The following CORO2B variants were observed in gnomAD, a reference collection of about 807,000 sequenced individuals.
CORO2B encodes the protein coronin-2B.
A neutral mutation model predicts 58.8 loss-of-function variants in CORO2B; 26 were observed. The observed-to-expected ratio is 0.44, with a 90% CI of 0.32 to 0.61. The LOEUF (loss-of-function observed/expected upper bound fraction) is 0.61, where lower values mean the gene tolerates loss of function less well. CORO2B is among the 20% of genes least tolerant of loss of function. CORO2B has a pLI of 0.04. For missense variants in CORO2B, 460 were observed against 645.1 expected (o/e 0.71, Z 3.11); for synonymous variants, 242 against 253.8 (o/e 0.95, Z 0.44).
chr15:68,664,508 A>G (rs573620032), intron 2 of CORO2B, among the ~76,000 whole-genome samples: 8 of 152,216 alleles, frequency 5.3e-5, no homozygotes, highest in African/African-American at 1.7e-4. Context: ...TTAGCCGGCC[A>G]TGGTGGCAGG....
chr15:68,550,153 G>T, the CORO2B span, among the ~76,000 whole-genome samples: 3 of 152,002 alleles, frequency 2.0e-5, no homozygotes, highest in African/African-American at 7.3e-5. Context: ...TGTGCTGGGG[G>T]TGCTCTAAGG....
At chr15:68,668,431 G>A (rs1050437906) in intron 2 of CORO2B, among the ~76,000 whole-genome samples, 6 of 152,222 alleles carry the variant, frequency 3.9e-5, no homozygotes, top group African/African-American at 7.2e-5. Flanking sequence ...ACAGTGATGG[G>A]TGCTGTGAAG....
chr15:68,551,065 ACT>A, the CORO2B span, among the ~76,000 whole-genome samples: 3 of 151,114 alleles, frequency 2.0e-5, no homozygotes, highest in Non-Finnish European at 3.0e-5. Context: ...GAGGTTCCTG[ACT>A]CTCTGGGGGG....
At chr15:68,641,691 C>G in intron 1 of CORO2B, 3 of 585,382 alleles carry the variant, frequency 5.1e-6, no homozygotes, top group South Asian at 7.5e-5. Flanking sequence ...CCTCCCAAGC[C>G]CTTGGAGGTG....
At chr15:68,717,450 G>C (rs981258586) in intron 8 of CORO2B, among the ~76,000 whole-genome samples, 1 of 152,178 alleles carries the variant, frequency 6.6e-6, no homozygotes, top group South Asian at 2.1e-4. Flanking sequence ...GAAGGAAGAC[G>C]GGGAGAACAG....
chr15:68,627,838 G>A (rs894004804), intron 1 of CORO2B, among the ~76,000 whole-genome samples: 2 of 152,026 alleles, frequency 1.3e-5, no homozygotes, highest in Non-Finnish European at 2.9e-5. Context: ...CGCACACCCT[G>A]GTGTATCCTC....
intron 2 of CORO2B, among the ~76,000 whole-genome samples, chr15:68,650,289 G>A (rs892722665): frequency 6.9e-6 from 1 of 144,696 alleles, no homozygotes; most frequent in Admixed American, 7.0e-5. Flanking sequence ...AATTGGAGGC[G>A]GAGGTTGCGG....
chr15:68,683,929 G>A (rs745395571), intron 2 of CORO2B, among the ~76,000 whole-genome samples: 8 of 152,160 alleles, frequency 5.3e-5, no homozygotes, highest in Admixed American at 2.0e-4. Context: ...GACTGTGCTG[G>A]GATGACAACA....
chr15:68,720,865 G>A (rs80308267), intron 11 of CORO2B, among the ~76,000 whole-genome samples: 1 of 152,268 alleles, frequency 6.6e-6, no homozygotes, highest in African/African-American at 2.4e-5. Flanking sequence ...AAACTAGACA[G>A]TCTATACCAC....
At chr15:68,705,109 G>C (rs1892751066) in intron 3 of CORO2B, among the ~76,000 whole-genome samples, 1 of 152,174 alleles carries the variant, frequency 6.6e-6, no homozygotes, top group Non-Finnish European at 1.5e-5. Context: ...GGGTCAAGCA[G>C]AGCCCGTCTC....
chr15:68,663,374 C>T (rs757290512), intron 2 of CORO2B, among the ~76,000 whole-genome samples: 22 of 152,140 alleles, frequency 1.4e-4, no homozygotes, highest in African/African-American at 4.1e-4. Context: ...ACTGTGGACA[C>T]GCTTTATTTC....
the CORO2B span, among the ~76,000 whole-genome samples, chr15:68,549,702 GC>G: frequency 6.6e-6 from 1 of 152,306 alleles, no homozygotes; most frequent in African/African-American, 2.4e-5. Context: ...ACTTTGGGAG[GC>G]CGAGGTGGGC....
At chr15:68,705,235 C>G (rs749733068) in intron 3 of CORO2B, among the ~76,000 whole-genome samples, 1 of 152,150 alleles carries the variant, frequency 6.6e-6, no homozygotes, top group South Asian at 2.1e-4. Context: ...GTCAGGAGTT[C>G]GAGACCAGCC....
chr15:68,627,248 G>A (rs138062957), intron 1 of CORO2B, among the ~76,000 whole-genome samples: 247 of 152,188 alleles, frequency 1.6e-3, no homozygotes, highest in Middle Eastern at 0.01. Context: ...TGCTGGTCTC[G>A]TATGAGGGAT....
At chr15:68,583,292 A>T (rs1398227136) in intron 1 of CORO2B, among the ~76,000 whole-genome samples, 2 of 152,208 alleles carry the variant, frequency 1.3e-5, no homozygotes, top group African/African-American at 4.8e-5. Flanking sequence ...GAGCGGGCAA[A>T]TCACCCAACC....
the CORO2B span, among the ~76,000 whole-genome samples, chr15:68,559,997 C>T: frequency 9.8e-5 from 15 of 152,288 alleles, no homozygotes; most frequent in South Asian, 2.7e-3. The surrounding 1 kb of genome is among the most constrained non-coding windows in gnomAD (Gnocchi z 4.3). Flanking sequence ...GAGCCTCAGA[C>T]GGCAATGCAG....
At chr15:68,630,997 C>T (rs963412589) in intron 1 of CORO2B, among the ~76,000 whole-genome samples, 1 of 152,212 alleles carries the variant, frequency 6.6e-6, no homozygotes, top group Non-Finnish European at 1.5e-5. Context: ...CTAGGTCTCA[C>T]TTGCCAGAAC....
chr15:68,721,404 G>A (rs117348298), intron 11 of CORO2B, among the ~76,000 whole-genome samples: 6 of 152,162 alleles, frequency 3.9e-5, no homozygotes, highest in African/African-American at 7.2e-5. Context: ...CAGTAGAGGC[G>A]AAGTAAGAAT....
chr15:68,674,010 G>C (rs554443140), intron 2 of CORO2B, among the ~76,000 whole-genome samples: 1 of 152,100 alleles, frequency 6.6e-6, no homozygotes, highest in Non-Finnish European at 1.5e-5. Context: ...AGAAGGAGGC[G>C]GATTTTCATC....
Sources: allele counts gnomAD v4.1 joint callset (sites outside exome capture counted in the v4.1 genomes callset), GRCh38; gene constraint gnomAD v4.1.1; non-coding constraint Gnocchi (gnomAD v3.1); transcripts MANE v1.5; gene names NCBI Gene and HGNC (gene_info 2026-07-23, HGNC 2026-07-21).